Variants in MEMO1 observed in about 807,000 individuals in gnomAD.
The protein encoded by MEMO1 is mediator of cell motility 1.
MEMO1 carries 6 observed loss-of-function variants against 45.2 expected under a neutral mutation model. That is an observed-to-expected ratio of 0.13 (90% CI 0.07 to 0.26). The LOEUF is 0.26. Ranked by LOEUF, MEMO1 falls within the 10% of genes least tolerant of loss-of-function variation. The pLI is 1.00. For missense variants in MEMO1, 184 were observed against 370.5 expected, an observed-to-expected ratio of 0.50 and a Z score of 4.13; for synonymous variants, 78 against 124.3, an observed-to-expected ratio of 0.63 and a Z score of 2.48.
At chr2:31,983,054 C>A (rs1572888917) in intron 2 of MEMO1, among the ~76,000 whole-genome samples, 1 of 151,314 alleles carries the variant, frequency 6.6e-6, no homozygotes. Context: ...GCCTCGCCAG[C>A]ACGGTGAAAC....
chr2:32,008,577 C>G (rs1466316260), intron 2 of MEMO1, among the ~76,000 whole-genome samples: 4 of 152,100 alleles, frequency 2.6e-5, no homozygotes, highest in Non-Finnish European at 4.4e-5. Context: ...GAGCAAGACT[C>G]CGTCTAGAGA....
chr2:31,980,745 C>T (rs1376784457), intron 2 of MEMO1, among the ~76,000 whole-genome samples: 1 of 152,000 alleles, frequency 6.6e-6, no homozygotes, highest in Non-Finnish European at 1.5e-5. Flanking sequence ...TAACTTCTAC[C>T]TGCACAGAAA....
Position 32,002,123 on chromosome 2 carries a change from C to A in MEMO1, c.61+8064G>T, listed in dbSNP as rs57488080. ...TCTCGCCAGTGCCCTCCAGCCTGGG[C>A]AACACAGCGAGACTCTGTCTCAAAA... is the stretch of plus-strand genomic sequence containing the variant. On this transcript the variant is annotated intron_variant, in intron 2 of 9. Coordinates refer to ENST00000404530, the MANE Select transcript of MEMO1 (RefSeq NM_001301833.4). Among the ~76,000 whole-genome samples, 306 of 108,616 alleles carry A rather than the reference C, an allele frequency of 2.8e-3. 4 individuals are homozygous for A. The highest frequency in any genetic ancestry group is 0.01 in the African/African-American group (288 of 27,552). 71.3% of individuals were successfully genotyped at this position (108,616 alleles called of 152,430 possible).
intron 6 of MEMO1, among the ~76,000 whole-genome samples, chr2:31,895,366 G>A (rs1357433390): frequency 6.6e-6 from 1 of 152,146 alleles, no homozygotes; most frequent in Non-Finnish European, 1.5e-5. Context: ...AGAACTACAG[G>A]AAGCCATGCT....
chr2:31,945,964 T>C (rs1390862970), intron 2 of MEMO1, among the ~76,000 whole-genome samples: 3 of 152,220 alleles, frequency 2.0e-5, no homozygotes, highest in East Asian at 3.8e-4. Flanking sequence ...CTTGGCTAGA[T>C]GTAAGGGTGA....
intron 4 of MEMO1, among the ~76,000 whole-genome samples, chr2:31,922,931 A>G (rs1682533994): frequency 6.6e-6 from 1 of 152,054 alleles, no homozygotes; most frequent in Non-Finnish European, 1.5e-5. Flanking sequence ...GCTGCAGTGA[A>G]CACATGTGTA....
chr2:31,933,348 A>AAAATATATATAT (rs1558514269), intron 3 of MEMO1, among the ~76,000 whole-genome samples: 2 of 16,186 alleles, frequency 1.2e-4, no homozygotes, highest in Non-Finnish European at 2.1e-4. Flanking sequence ...AAAAAAAAAA[A>AAAATATATATAT]ATTTATATAT....
At chr2:31,926,479 AC>A (rs1237047805) in intron 4 of MEMO1, among the ~76,000 whole-genome samples, 1 of 152,184 alleles carries the variant, frequency 6.6e-6, no homozygotes, top group Non-Finnish European at 1.5e-5. Flanking sequence ...CTTTCATAAA[AC>A]TTTTATCACT....
intron 2 of MEMO1, among the ~76,000 whole-genome samples, chr2:31,981,661 C>T (rs778035278): frequency 6.6e-6 from 1 of 152,096 alleles, no homozygotes; most frequent in Non-Finnish European, 1.5e-5. Context: ...TATTTTACTC[C>T]CAAGAAAGTT....
intron 6 of MEMO1, among the ~76,000 whole-genome samples, chr2:31,895,649 G>A (rs1317980707): frequency 6.6e-6 from 1 of 151,848 alleles, no homozygotes; most frequent in African/African-American, 2.4e-5. Context: ...GTATATAATG[G>A]GAACTTCAGA....
chr2:31,879,777 C>T (rs1675079782), intron 8 of MEMO1, among the ~76,000 whole-genome samples: 1 of 152,178 alleles, frequency 6.6e-6, no homozygotes, highest in Non-Finnish European at 1.5e-5. Flanking sequence ...TATAACCACA[C>T]TTCAAATACT....
At chr2:31,908,408 TG>T (rs1319460503) in intron 6 of MEMO1, among the ~76,000 whole-genome samples, 3 of 151,806 alleles carry the variant, frequency 2.0e-5, no homozygotes, top group African/African-American at 7.3e-5. Context: ...TAACCTAACA[TG>T]TAAAGATTTT....
At chr2:31,913,510 ATTAAGAGTTTTTTTT>A (rs1680935484) in intron 6 of MEMO1, among the ~76,000 whole-genome samples, 1 of 149,196 alleles carries the variant, frequency 6.7e-6, no homozygotes, top group East Asian at 1.9e-4. Flanking sequence ...GCCAAAGATG[ATTAAGAGTTTTTTTT>A]TTTTTTTATT....
At chr2:31,912,513 C>CAA (rs752295550) in intron 6 of MEMO1, among the ~76,000 whole-genome samples, 675 of 60,410 alleles carry the variant, frequency 0.011, 9 homozygotes, top group African/African-American at 0.036. Flanking sequence ...AACTCTGTCT[C>CAA]AAAAAAAAAA....
At chr2:31,896,144 G>GA in intron 6 of MEMO1, among the ~76,000 whole-genome samples, 1 of 151,972 alleles carries the variant, frequency 6.6e-6, no homozygotes, top group East Asian at 1.9e-4. Context: ...TGCCTGGCAA[G>GA]AAAAAAATCG....
chr2:31,909,779 A>AT (rs1341867283), intron 6 of MEMO1, among the ~76,000 whole-genome samples: 1 of 152,192 alleles, frequency 6.6e-6, no homozygotes, highest in African/African-American at 2.4e-5. Context: ...TATAAAAGGT[A>AT]TAACACATAT....
intron 5 of MEMO1, among the ~76,000 whole-genome samples, chr2:31,918,436 T>C (rs1368588152): frequency 6.6e-6 from 1 of 152,178 alleles, no homozygotes; most frequent in Admixed American, 6.6e-5. Context: ...ATAATTAGAA[T>C]TCCTACTGAA....
intron 2 of MEMO1, among the ~76,000 whole-genome samples, chr2:31,987,290 T>G (rs980766712): frequency 2.0e-5 from 3 of 152,182 alleles, no homozygotes; most frequent in Non-Finnish European, 4.4e-5. Context: ...TGAGCCACCT[T>G]GCCTGGACCA....
At chr2:31,908,408 T>C (rs372656653) in intron 6 of MEMO1, among the ~76,000 whole-genome samples, 6 of 151,922 alleles carry the variant, frequency 3.9e-5, no homozygotes, top group African/African-American at 1.2e-4. Flanking sequence ...TAACCTAACA[T>C]GTAAAGATTT....
Sources: gnomAD v4.1 joint callset for allele counts (sites outside exome capture counted in the v4.1 genomes callset) on GRCh38, gnomAD v4.1.1 for gene constraint, MANE v1.5 for transcripts, NCBI Gene and HGNC (gene_info 2026-07-23, HGNC 2026-07-21) for gene names.